WDR59: variants seen among roughly 807,000 people sequenced by gnomAD.
WDR59 encodes the protein WD repeat domain 59.
In WDR59, 100 loss-of-function variants were observed where a neutral mutation model predicts 131.2. That is an observed-to-expected ratio of 0.76 (90% confidence interval 0.65 to 0.90). The LOEUF (loss-of-function observed/expected upper bound fraction) is 0.90, where lower values mean the gene tolerates loss of function less well. Among genes scored for constraint, WDR59 ranks in the 40% least tolerant of loss-of-function variants. The probability of loss-of-function intolerance (pLI) is 0.00; values close to 1 mark genes in which losing one functional copy is unlikely to be tolerated. For missense variants in WDR59, 1,203 were observed against 1,262.2 expected, an observed-to-expected ratio of 0.95 and a Z score of 0.71; for synonymous variants, 601 against 466.2, an observed-to-expected ratio of 1.29 and a Z score of -3.72.
At chr16:74,945,632 G>T (rs935976031) in intron 6 of WDR59, among the ~76,000 whole-genome samples, 9 of 151,956 alleles carry the variant, frequency 5.9e-5, no homozygotes, top group African/African-American at 1.9e-4. Flanking sequence ...AGGTGGTGGC[G>T]GGGGGCAGAG....
At chr16:74,877,789 C>G (rs578058504) in intron 25 of WDR59, among the ~76,000 whole-genome samples, 50 of 152,328 alleles carry the variant, frequency 3.3e-4, no homozygotes, top group African/African-American at 1.2e-3. Flanking sequence ...AGGTGATCCA[C>G]CTGCCTCGGC....
Position 74,911,887 on chromosome 16 carries a change from G to A in WDR59, c.1389+311C>T, listed in dbSNP as rs78991131. On this transcript the variant is annotated intron_variant, in intron 14 of 25. Coordinates refer to ENST00000262144, the MANE Select transcript of WDR59 (RefSeq NM_030581.4). ...AATGAGATCTGTGGGCAGATTCTAT[G>A]CAATTCACATATTTACAGGCAATAT... The A allele has an allele frequency of 5.8e-3, 2,954 of 510,096 alleles. 78 individuals carry two copies. Among genetic ancestry groups the A allele is most frequent in the African/African-American group, 0.05 (2,645 of 52,838 alleles). The allele number at this position is 510,096 out of a possible 1,614,324, so 31.6% of individuals were successfully genotyped here.
rs1251635309 is a variant in WDR59, at chr16:74,871,477, G to C, written c.*2732C>G. Reference sequence around the variant, plus strand: ...TTTAAAATATTAGACTTTTGTTCTGGTAACTTGGAAATTCAAAAGGAATTT... The same window carrying C: ...TTTAAAATATTAGACTTTTGTTCTGCTAACTTGGAAATTCAAAAGGAATTT... On this transcript the variant is annotated 3_prime_UTR_variant, in exon 26 of 26. Transcript: ENST00000262144. 6.6e-6 allele frequency: 1 copy of C among 152,144 alleles called. No individual in the cohort carries two copies. Among genetic ancestry groups the C allele is most frequent in the South Asian group, 2.1e-4 (1 of 4,830 alleles). The allele number at this position is 152,144 out of a possible 1,614,324, so 9.4% of individuals were successfully genotyped here.
intron 8 of WDR59, among the ~76,000 whole-genome samples, chr16:74,932,430 TACAC>T (rs34468583): frequency 0.12 from 17,587 of 143,644 alleles, 1,502 homozygotes; most frequent in African/African-American, 0.25. Context: ...ACATAATTTT[TACAC>T]ACACACACAC....
At chr16:74,936,332 T>G (rs1346634194) in intron 8 of WDR59, among the ~76,000 whole-genome samples, 1 of 152,002 alleles carries the variant, frequency 6.6e-6, no homozygotes, top group Non-Finnish European at 1.5e-5. Flanking sequence ...TATATCTATA[T>G]ATAAAGAAAA....
chr16:74,934,029 C>T (rs995848300), intron 8 of WDR59, among the ~76,000 whole-genome samples: 2 of 152,114 alleles, frequency 1.3e-5, no homozygotes, highest in African/African-American at 4.8e-5. Context: ...TATAATTCGC[C>T]CCTCAACTTA....
At chr16:74,978,029 C>T (rs1318710997) in intron 1 of WDR59, among the ~76,000 whole-genome samples, 1 of 151,478 alleles carries the variant, frequency 6.6e-6, no homozygotes, top group Admixed American at 6.6e-5. Context: ...GCATCAACAG[C>T]CAGATTCCAC....
chr16:74,909,944 G>C, intron 14 of WDR59, 27 bp from the exon 15 acceptor site: 2 of 1,463,866 alleles, frequency 1.4e-6, no homozygotes, highest in South Asian at 1.2e-5. Context: ...ACACAGTCAA[G>C]AAGAGGAACA....
At chr16:74,945,967 A>G (rs999085698) in intron 6 of WDR59, among the ~76,000 whole-genome samples, 31 of 151,924 alleles carry the variant, frequency 2.0e-4, no homozygotes, top group South Asian at 6.3e-4. Context: ...ACAGGCATGC[A>G]CCACCACGCC....
intron 9 of WDR59, 56 bp from the exon 10 acceptor site, chr16:74,922,159 A>G (rs2030304814): frequency 6.3e-7 from 1 of 1,590,990 alleles, no homozygotes; most frequent in Non-Finnish European, 8.6e-7. Flanking sequence ...GAATCAGCTG[A>G]GTCTTGAGTT....
At chr16:74,885,516 G>T in intron 25 of WDR59, 137 bp downstream of exon 25, 2 of 946,308 alleles carry the variant, frequency 2.1e-6, no homozygotes, top group Non-Finnish European at 1.5e-6. Context: ...CAGATGCTTG[G>T]AATAGACTCA....
intron 1 of WDR59, among the ~76,000 whole-genome samples, chr16:74,977,923 C>CGCCA (rs2034251541): frequency 6.6e-6 from 1 of 152,080 alleles, no homozygotes; most frequent in African/African-American, 2.4e-5. Flanking sequence ...AAGCAAAAGA[C>CGCCA]GCCAGGTAGG....
In WDR59 at chr16:74,874,200, T is replaced by A. The variant is rs1393968857; in HGVS notation, c.*9A>T. On this transcript the variant is annotated 3_prime_UTR_variant, in exon 26 of 26. Transcript: ENST00000262144. ...CTGGGATTTCAGACAATACCCAACT[T>A]CTGTAGGTTCAGAAAGTGCTTTCAA... The A allele has an allele frequency of 6.2e-7, 1 of 1,610,872 alleles. No individual in the cohort carries two copies. Among genetic ancestry groups the A allele is most frequent in the African/African-American group, 1.3e-5 (1 of 74,850 alleles).
At chr16:74,890,050 A>G (rs1444980785) in intron 20 of WDR59, among the ~76,000 whole-genome samples, 1 of 152,262 alleles carries the variant, frequency 6.6e-6, no homozygotes, top group Admixed American at 6.5e-5. Context: ...TTTGAGAAAC[A>G]CTAGGCTTAA....
intron 1 of WDR59, among the ~76,000 whole-genome samples, chr16:74,967,994 G>T (rs190403136): frequency 3.9e-4 from 59 of 152,240 alleles, no homozygotes; most frequent in African/African-American, 1.4e-3. Context: ...TCTGATACAT[G>T]CTACAACATG....
At chr16:74,965,541 C>T (rs764367381) in intron 2 of WDR59, among the ~76,000 whole-genome samples, 1 of 152,184 alleles carries the variant, frequency 6.6e-6, no homozygotes, top group Non-Finnish European at 1.5e-5. Flanking sequence ...ATTTCAAGTT[C>T]AAGCTACCAG....
At chr16:74,883,420 G>C (rs567642814) in intron 25 of WDR59, among the ~76,000 whole-genome samples, 15 of 152,010 alleles carry the variant, frequency 9.9e-5, no homozygotes, top group Middle Eastern at 3.4e-3. Context: ...AACAGTTCAG[G>C]GTTCAGCTTT....
rs1346755075 is a variant in WDR59 at position 74,871,384 on chromosome 16, T to C, written c.*2825A>G. On this transcript the variant is annotated 3_prime_UTR_variant, in exon 26 of 26. Transcript: ENST00000262144. ...GACTCAGGTGCTTGTAATCATCTATTCTGCGGCTGAGAGAATATCGGCCAT... is the reference window on the plus strand; with the variant it reads ...GACTCAGGTGCTTGTAATCATCTATCCTGCGGCTGAGAGAATATCGGCCAT... 6.6e-6 allele frequency: 1 copy of C among 152,218 alleles called. No homozygotes were observed. Among genetic ancestry groups the C allele is most frequent in the East Asian group, 1.9e-4 (1 of 5,192 alleles). 9.4% of individuals were successfully genotyped at this position (152,218 alleles called of 1,614,324 possible). A position where few individuals can be genotyped will look rare whatever the true frequency, so the allele number is the denominator to read the frequency against.
At chr16:74,919,969 G>A (rs551366687) in intron 10 of WDR59, among the ~76,000 whole-genome samples, 25 of 152,160 alleles carry the variant, frequency 1.6e-4, no homozygotes, top group African/African-American at 6.0e-4. Context: ...TACTCAGGTG[G>A]CTGAGGTGGA....
Sources: allele counts gnomAD v4.1 joint callset (sites outside exome capture counted in the v4.1 genomes callset), GRCh38; gene constraint gnomAD v4.1.1; transcripts MANE v1.5; gene names NCBI Gene and HGNC (gene_info 2026-07-23, HGNC 2026-07-21).